The following IMMP2L variants were observed in gnomAD, a reference collection of about 807,000 sequenced individuals.
IMMP2L encodes mitochondrial inner membrane protease subunit 2.
IMMP2L carries 18 observed loss-of-function variants against 19.3 expected under a neutral mutation model. The observed-to-expected ratio is 0.93, with a 90% CI of 0.64 to 1.38. The LOEUF is 1.38. Ranked by LOEUF, IMMP2L falls within the 40% of genes most tolerant of loss-of-function variation. IMMP2L has a pLI of 0.00. For synonymous variants in IMMP2L, 76 were observed against 73.0 expected (o/e 1.04, Z -0.21); for missense variants, 233 against 218.2 (o/e 1.07, Z -0.43).
chr7:111,259,082 A>G (rs1283422209), intron 3 of IMMP2L, among the ~76,000 whole-genome samples: 1 of 152,100 alleles, frequency 6.6e-6, no homozygotes, highest in Non-Finnish European at 1.5e-5. Context: ...CACAATAAGT[A>G]TTTGCATAGC....
chr7:110,974,794 T>C (rs1820520468), intron 3 of IMMP2L, among the ~76,000 whole-genome samples: 1 of 152,206 alleles, frequency 6.6e-6, no homozygotes, highest in Non-Finnish European at 1.5e-5. Flanking sequence ...TTTGGACACT[T>C]ATTTTCAGAT....
chr7:111,462,562 G>A (rs1010059355), intron 3 of IMMP2L, among the ~76,000 whole-genome samples: 2 of 151,930 alleles, frequency 1.3e-5, no homozygotes, highest in African/African-American at 2.4e-5. Flanking sequence ...TATGAGGTAC[G>A]GGTGACAATA....
At chr7:110,680,373 CT>C (rs1470554983) in intron 5 of IMMP2L, among the ~76,000 whole-genome samples, 1 of 152,142 alleles carries the variant, frequency 6.6e-6, no homozygotes, top group Non-Finnish European at 1.5e-5. Context: ...TCCACTCTGC[CT>C]GTCTCCTCAC....
chr7:110,882,260 C>G (rs1809717002), intron 5 of IMMP2L, among the ~76,000 whole-genome samples: 1 of 151,638 alleles, frequency 6.6e-6, no homozygotes, highest in Admixed American at 6.6e-5. Context: ...TCCCAAAACT[C>G]AGTCCCAATT....
intron 3 of IMMP2L, among the ~76,000 whole-genome samples, chr7:110,967,885 TC>T (rs1473776882): frequency 6.6e-6 from 1 of 152,110 alleles, no homozygotes; most frequent in African/African-American, 2.4e-5. Flanking sequence ...GCTTATCACC[TC>T]CTTTCCCTGT....
chr7:111,454,019 TC>T (rs2131944041), intron 3 of IMMP2L, among the ~76,000 whole-genome samples: 1 of 152,280 alleles, frequency 6.6e-6, no homozygotes, highest in Non-Finnish European at 1.5e-5. Context: ...ATCTGCATGC[TC>T]AGTAAGAACT....
intron 1 of IMMP2L, among the ~76,000 whole-genome samples, chr7:111,539,250 GAA>G (rs1421418108): frequency 7.0e-6 from 1 of 143,708 alleles, no homozygotes. Flanking sequence ...AAGAAAGAAA[GAA>G]AGAAAGAAAG....
At chr7:111,021,646 G>A (rs1476235042) in intron 3 of IMMP2L, among the ~76,000 whole-genome samples, 1 of 152,212 alleles carries the variant, frequency 6.6e-6, no homozygotes, top group Non-Finnish European at 1.5e-5. Flanking sequence ...ACTTTTGGAG[G>A]CCAAGGTGGG....
chr7:110,997,561 A>G (rs1664121141), intron 3 of IMMP2L, among the ~76,000 whole-genome samples: 3 of 152,136 alleles, frequency 2.0e-5, no homozygotes, highest in African/African-American at 7.2e-5. Flanking sequence ...TAATTCTAAT[A>G]GCTGTGTAGT....
At chr7:110,985,796 C>T (rs1001293907) in intron 3 of IMMP2L, among the ~76,000 whole-genome samples, 3 of 152,034 alleles carry the variant, frequency 2.0e-5, no homozygotes, top group African/African-American at 4.8e-5. Context: ...TATCCATTGA[C>T]AGAAATTGAA....
chr7:111,473,372 CAAAATACAAA>C (rs1387937341), intron 3 of IMMP2L, among the ~76,000 whole-genome samples: 3 of 152,048 alleles, frequency 2.0e-5, no homozygotes, highest in Non-Finnish European at 2.9e-5. Context: ...CCCCAAAATA[CAAAATACAAA>C]AAAATACAAA....
chr7:111,197,104 T>C (rs1473782706), intron 3 of IMMP2L, among the ~76,000 whole-genome samples: 1 of 152,136 alleles, frequency 6.6e-6, no homozygotes, highest in Non-Finnish European at 1.5e-5. Context: ...CAGAAAATAC[T>C]GAAAAGGTTG....
At chr7:111,222,292 A>T (rs113827917) in intron 3 of IMMP2L, among the ~76,000 whole-genome samples, 6,624 of 152,042 alleles carry the variant, frequency 0.044, 218 homozygotes, top group South Asian at 0.083. Context: ...GAAAATTCCT[A>T]AACAAGAAAA....
chr7:111,124,464 T>C (rs771571638), intron 3 of IMMP2L: 19 of 1,613,972 alleles, frequency 1.2e-5, no homozygotes, highest in Non-Finnish European at 1.5e-5. Flanking sequence ...AAAATTCTCA[T>C]GCTGCGCAAA....
intron 3 of IMMP2L, among the ~76,000 whole-genome samples, chr7:111,303,598 T>A (rs1822502195): frequency 1.3e-5 from 2 of 152,118 alleles, no homozygotes; most frequent in African/African-American, 2.4e-5. Context: ...TAAGGTTGAT[T>A]CTCCCATTCT....
In IMMP2L at chr7:110,681,023, T is replaced by C. The variant is rs115430964; in HGVS notation, c.409-17302A>G. On this transcript the variant is annotated intron_variant, in intron 5 of 5. Coordinates refer to ENST00000405709, the MANE Select transcript of IMMP2L (RefSeq NM_032549.4). Reference sequence around the variant, plus strand: ...GTAAGCTGGCCAATATTCTTCTAATTGCATCTTTTCTTCTAAAATTAGTAA... The same window carrying C: ...GTAAGCTGGCCAATATTCTTCTAATCGCATCTTTTCTTCTAAAATTAGTAA... 4.2e-3 allele frequency among the ~76,000 whole-genome samples: 644 copies of C among 151,892 alleles called. 3 individuals are homozygous for C. Among genetic ancestry groups the C allele is most frequent in the African/African-American group, 0.015 (619 of 41,394 alleles).
At chr7:110,986,731 G>A (rs1821898399) in intron 3 of IMMP2L, among the ~76,000 whole-genome samples, 1 of 151,788 alleles carries the variant, frequency 6.6e-6, no homozygotes, top group Non-Finnish European at 1.5e-5. Context: ...CTTGGCCTCA[G>A]CTGGCTTATT....
intron 3 of IMMP2L, among the ~76,000 whole-genome samples, chr7:111,322,405 CATA>C (rs896495849): frequency 6.6e-6 from 1 of 151,740 alleles, no homozygotes; most frequent in Non-Finnish European, 1.5e-5. Context: ...ATAATATCAG[CATA>C]ATATTATACT....
At chr7:111,218,163 A>G (rs1812152430) in intron 3 of IMMP2L, among the ~76,000 whole-genome samples, 1 of 152,114 alleles carries the variant, frequency 6.6e-6, no homozygotes, top group Admixed American at 6.6e-5. Flanking sequence ...TGGTCTTAGT[A>G]AACAAATAGC....
Sources: gnomAD v4.1 joint callset for allele counts (sites outside exome capture counted in the v4.1 genomes callset) on GRCh38, gnomAD v4.1.1 for gene constraint, MANE v1.5 for transcripts, NCBI Gene and HGNC (gene_info 2026-07-23, HGNC 2026-07-21) for gene names.